The following ACTN2 variants were observed in gnomAD, a reference collection of about 807,000 sequenced individuals.
The protein encoded by ACTN2 is alpha-actinin-2.
A neutral mutation model predicts 113.8 loss-of-function variants in ACTN2; 39 were observed. That is an observed-to-expected ratio of 0.34 (90% CI 0.27 to 0.45). The LOEUF (loss-of-function observed/expected upper bound fraction) is 0.45. Among genes scored for constraint, ACTN2 ranks in the 20% least tolerant of loss-of-function variants. The probability of loss-of-function intolerance (pLI) is 1.00; values close to 1 mark genes in which losing one functional copy is unlikely to be tolerated. For missense variants in ACTN2, 992 were observed against 1,177.9 expected (o/e 0.84, Z 2.31); for synonymous variants, 429 against 444.1 (o/e 0.97, Z 0.43).
chr1:236,706,111 C>A (rs1200264224), intron 1 of ACTN2, among the ~76,000 whole-genome samples: 2 of 147,652 alleles, frequency 1.4e-5, no homozygotes, highest in Non-Finnish European at 3.0e-5. Flanking sequence ...AAGGTATTTT[C>A]TTTTTTTTTT....
intron 1 of ACTN2, among the ~76,000 whole-genome samples, chr1:236,706,132 G>A (rs1161795688): frequency 6.6e-6 from 1 of 150,950 alleles, no homozygotes; most frequent in Non-Finnish European, 1.5e-5. Context: ...TTCTTGGCAA[G>A]ATTATAGAAT....
At chr1:236,737,035 G>A (rs1057185395) in intron 8 of ACTN2, 87 bp from the exon 9 acceptor site, 45 of 1,125,834 alleles carry the variant, frequency 4.0e-5, no homozygotes, top group South Asian at 1.0e-4. Flanking sequence ...CACCCTCCTC[G>A]TCCCCTCTCA....
intron 3 of ACTN2, among the ~76,000 whole-genome samples, chr1:236,719,365 G>A (rs1237699167): frequency 6.6e-6 from 1 of 152,252 alleles, no homozygotes; most frequent in Non-Finnish European, 1.5e-5. Flanking sequence ...AATTTGGTGA[G>A]GTCAGCGGGA....
intron 18 of ACTN2, among the ~76,000 whole-genome samples, chr1:236,758,638 A>C (rs1659619932): frequency 8.0e-6 from 1 of 125,544 alleles, no homozygotes; most frequent in South Asian, 2.4e-4. Context: ...TCTGTTTTTG[A>C]GATGGAGTTG....
chr1:236,752,010 A>G (rs1314517433), intron 15 of ACTN2, among the ~76,000 whole-genome samples: 4 of 152,174 alleles, frequency 2.6e-5, no homozygotes, highest in Non-Finnish European at 5.9e-5. Flanking sequence ...TTTTAAAAGA[A>G]TTTTTAGAAT....
At chr1:236,734,484 C>G (rs1207411889) in intron 7 of ACTN2, 1 of 1,535,660 alleles carries the variant, frequency 6.5e-7, no homozygotes, top group East Asian at 2.4e-5. Context: ...ACTTATGTTT[C>G]CTGTTACTAT....
chr1:236,705,064 A>G (rs1395017336), intron 1 of ACTN2, among the ~76,000 whole-genome samples: 1 of 152,158 alleles, frequency 6.6e-6, no homozygotes, highest in East Asian at 1.9e-4. Context: ...AAGACAAGGG[A>G]AAATTAGAGT....
At chr1:236,702,226 C>A (rs1657698437) in intron 1 of ACTN2, among the ~76,000 whole-genome samples, 2 of 152,060 alleles carry the variant, frequency 1.3e-5, no homozygotes, top group African/African-American at 4.8e-5. Flanking sequence ...TTTTTTTCCC[C>A]CTCCATTAGG....
chr1:236,692,071 G>T (rs1666103508), intron 1 of ACTN2, among the ~76,000 whole-genome samples: 1 of 152,232 alleles, frequency 6.6e-6, no homozygotes, highest in Non-Finnish European at 1.5e-5. Context: ...AGATAAATCT[G>T]AGTGGACAAG....
At chr1:236,716,136 G>A (rs536177561) in intron 1 of ACTN2, among the ~76,000 whole-genome samples, 1 of 138,236 alleles carries the variant, frequency 7.2e-6, no homozygotes, top group East Asian at 2.1e-4. Context: ...ATTAAATGCT[G>A]TCACCTCCTT....
At chr1:236,727,898 C>T in intron 6 of ACTN2, 142 bp downstream of exon 6, 1 of 770,668 alleles carries the variant, frequency 1.3e-6, no homozygotes, top group South Asian at 1.5e-5. Context: ...ATTCTCCCAG[C>T]TAGCCTTTCC....
intron 1 of ACTN2, among the ~76,000 whole-genome samples, chr1:236,696,867 T>C (rs926995703): frequency 3.9e-5 from 6 of 152,176 alleles, no homozygotes; most frequent in Admixed American, 2.6e-4. Context: ...GGTTTCACCA[T>C]GTTAGCCAGG....
chr1:236,715,921 A>C (rs1658192016), intron 1 of ACTN2, among the ~76,000 whole-genome samples: 1 of 152,140 alleles, frequency 6.6e-6, no homozygotes, highest in Non-Finnish European at 1.5e-5. Flanking sequence ...ATGCCACTGC[A>C]CTCCAGCCTG....
intron 17 of ACTN2, 150 bp downstream of exon 17, chr1:236,755,348 A>G (rs1176215458): frequency 3.4e-6 from 3 of 879,554 alleles, no homozygotes; most frequent in African/African-American, 1.7e-5. Flanking sequence ...TCCAGTCACT[A>G]TTTGTGGAAA....
chr1:236,698,224 T>TAAA (rs11439443), intron 1 of ACTN2, among the ~76,000 whole-genome samples: 4 of 147,344 alleles, frequency 2.7e-5, no homozygotes, highest in Non-Finnish European at 3.0e-5. Flanking sequence ...TAAGATGCCT[T>TAAA]AAAAAAAAAA....
intron 1 of ACTN2, among the ~76,000 whole-genome samples, chr1:236,691,062 C>T (rs772704835): frequency 3.3e-5 from 5 of 151,040 alleles, no homozygotes; most frequent in Non-Finnish European, 7.4e-5. Flanking sequence ...CTCAGCCTTA[C>T]AGTAGCTGGA....
chr1:236,700,317 G>C (rs1166011571), intron 1 of ACTN2, among the ~76,000 whole-genome samples: 4 of 152,094 alleles, frequency 2.6e-5, no homozygotes, highest in African/African-American at 9.7e-5. Flanking sequence ...CGAGTAGCTG[G>C]GATTACAGGC....
intron 12 of ACTN2, among the ~76,000 whole-genome samples, chr1:236,745,991 G>GT (rs1337581669): frequency 6.6e-6 from 1 of 151,512 alleles, no homozygotes; most frequent in Admixed American, 6.6e-5. Flanking sequence ...GTGAAACCCC[G>GT]TATCTACTAA....
At chr1:236,743,134 A>G in intron 11 of ACTN2, 91 bp downstream of exon 11, 1 of 1,482,348 alleles carries the variant, frequency 6.7e-7, no homozygotes, top group Admixed American at 1.7e-5. Flanking sequence ...TCTGTGCCTA[A>G]TGTCTGTGAC....
Sources: gnomAD v4.1 joint callset for allele counts (sites outside exome capture counted in the v4.1 genomes callset) on GRCh38, gnomAD v4.1.1 for gene constraint, MANE v1.5 for transcripts, NCBI Gene and HGNC (gene_info 2026-07-23, HGNC 2026-07-21) for gene names.